Variants in CSMD1 observed in about 807,000 individuals in gnomAD.
The protein encoded by CSMD1 is CUB and sushi domain-containing protein 1.
A neutral mutation model predicts 417.5 loss-of-function variants in CSMD1; 213 were observed. That is an observed-to-expected ratio of 0.51 (90% CI 0.46 to 0.57). The LOEUF is 0.57. CSMD1 is among the 20% of genes least tolerant of loss of function. The pLI is 0.00. For synonymous variants in CSMD1, 2,862 were observed against 1,736.8 expected (o/e 1.65, Z -16.11); for missense variants, 6,923 against 4,529.7 (o/e 1.53, Z -15.17).
At chr8:4,191,999 G>T (rs528254948) in intron 3 of CSMD1, among the ~76,000 whole-genome samples, 1 of 152,118 alleles carries the variant, frequency 6.6e-6, no homozygotes, top group Non-Finnish European at 1.5e-5. Context: ...GATTTCACTC[G>T]AAATATGCAA....
At chr8:3,009,458 G>T (rs1026949041) in intron 52 of CSMD1, among the ~76,000 whole-genome samples, 1 of 152,126 alleles carries the variant, frequency 6.6e-6, no homozygotes, top group African/African-American at 2.4e-5. Flanking sequence ...AGAGTTATTT[G>T]GGCAGTAGAT....
chr8:3,522,537 GTTATAAGTACTTTATGAC>G (rs1585298798), intron 10 of CSMD1, among the ~76,000 whole-genome samples: 1 of 152,250 alleles, frequency 6.6e-6, no homozygotes, highest in East Asian at 1.9e-4. Flanking sequence ...AGCCCCCTGA[GTTATAAGTACTTTATGAC>G]TGAGAATAGA....
intron 5 of CSMD1, among the ~76,000 whole-genome samples, chr8:3,894,679 G>A (rs546354620): frequency 6.6e-6 from 1 of 152,094 alleles, no homozygotes; most frequent in African/African-American, 2.4e-5. Context: ...TAATTGAAAA[G>A]TTCATTGATC....
chr8:4,157,206 T>G (rs1796882341), intron 3 of CSMD1, among the ~76,000 whole-genome samples: 1 of 152,118 alleles, frequency 6.6e-6, no homozygotes, highest in African/African-American at 2.4e-5. Context: ...AAATTTACAT[T>G]TCAGTGTCCA....
At chr8:3,802,614 A>G (rs566531093) in intron 5 of CSMD1, among the ~76,000 whole-genome samples, 3 of 152,322 alleles carry the variant, frequency 2.0e-5, no homozygotes, top group Admixed American at 2.0e-4. Flanking sequence ...AACTGTTTAT[A>G]TAATTTTAAG....
intron 11 of CSMD1, among the ~76,000 whole-genome samples, chr8:3,473,554 G>A (rs1259610683): frequency 6.6e-6 from 1 of 152,076 alleles, no homozygotes; most frequent in Non-Finnish European, 1.5e-5. Flanking sequence ...AAACAAAGAA[G>A]CAAGCAATAT....
In CSMD1 at chr8:3,220,289, C is replaced by G. The variant is rs375606995; in HGVS notation, c.4485-847G>C. Among the ~76,000 whole-genome samples, 34 of 151,986 alleles carry G rather than the reference C, an allele frequency of 2.2e-4. No homozygotes were observed. In the East Asian group the frequency reaches 6.0e-3, roughly 27 times the overall value. On this transcript the variant is annotated intron_variant, in intron 28 of 69. Coordinates refer to ENST00000635120, the MANE Select transcript of CSMD1 (RefSeq NM_033225.6). ...GTTTTTTTTCTCTGTCCCTCTCTTTCTTTCTCTCACTTTCTCCATTTTTCT... is the reference window on the plus strand; with the variant it reads ...GTTTTTTTTCTCTGTCCCTCTCTTTGTTTCTCTCACTTTCTCCATTTTTCT...
At chr8:4,096,569 A>C (rs895902847) in intron 3 of CSMD1, among the ~76,000 whole-genome samples, 1 of 141,412 alleles carries the variant, frequency 7.1e-6, no homozygotes, top group Non-Finnish European at 1.5e-5. Context: ...AATGCACGCC[A>C]CTAAGGATAC....
chr8:3,026,316 T>C lies in CSMD1; in HGVS notation c.7855+3003A>G, dbSNP rs1178504530. ...TGCCCAGGAGCCAGGTTTGGGAAGC[T>C]GATCTGAACCTCACTGGACCTCGCT... is the stretch of plus-strand genomic sequence containing the variant. On this transcript the variant is annotated intron_variant, in intron 51 of 69. Coordinates refer to ENST00000635120, the MANE Select transcript of CSMD1 (RefSeq NM_033225.6). Among the ~76,000 whole-genome samples, 4 of 151,766 alleles carry C rather than the reference T, an allele frequency of 2.6e-5. No individual in the cohort carries two copies. The East Asian group carries it at 6.1e-4, about 23-fold the overall frequency.
At chr8:3,581,131 A>G (rs988019942) in intron 9 of CSMD1, among the ~76,000 whole-genome samples, 1 of 152,192 alleles carries the variant, frequency 6.6e-6, no homozygotes, top group African/African-American at 2.4e-5. Flanking sequence ...AGTTCTCTAC[A>G]TAAATCGCCC....
At chr8:4,635,921 C>G (rs1802787118) in intron 2 of CSMD1, among the ~76,000 whole-genome samples, 1 of 151,614 alleles carries the variant, frequency 6.6e-6, no homozygotes, top group Non-Finnish European at 1.5e-5. Context: ...CTACTAAAAA[C>G]AGATAATAGA....
At chr8:4,831,582 T>C (rs1387908700) in intron 1 of CSMD1, among the ~76,000 whole-genome samples, 2 of 152,128 alleles carry the variant, frequency 1.3e-5, no homozygotes, top group African/African-American at 4.8e-5. Flanking sequence ...CAAAATGTCA[T>C]GCCAAGGTTT....
chr8:4,171,404 G>C (rs1001985274), intron 3 of CSMD1, among the ~76,000 whole-genome samples: 9 of 151,626 alleles, frequency 5.9e-5, no homozygotes, highest in African/African-American at 2.2e-4. Context: ...GTGAATATTT[G>C]ACCCTATTAA....
At position 3,754,123 on chromosome 8, in the gene CSMD1, G is replaced by C. The variant is rs1008856299; in HGVS notation, c.819-81C>G. On this transcript the variant is annotated intron_variant, in intron 5 of 69. Coordinates refer to ENST00000635120, the MANE Select transcript of CSMD1 (RefSeq NM_033225.6). ...CTATATCAAACCCGCTTTGAAATCC[G>C]ATTACTTAAATCCTTCATCTTGAGA... The C allele has an allele frequency of 1.6e-5, 13 of 820,994 alleles. No individual in the cohort carries two copies. The African/African-American group carries it at 2.0e-4, about 13-fold the overall frequency. The allele number at this position is 820,994 out of a possible 1,614,324, so 50.9% of individuals were successfully genotyped here.
intron 5 of CSMD1, among the ~76,000 whole-genome samples, chr8:3,833,594 T>C (rs79912362): frequency 0.016 from 2,446 of 152,252 alleles, 50 homozygotes; most frequent in African/African-American, 0.055. Context: ...ATTTTGATGA[T>C]ACTTTGAACA....
In CSMD1 at chr8:3,906,970, C is replaced by G. The variant is rs187807458; in HGVS notation, c.818+90933G>C. Among the ~76,000 whole-genome samples the G allele has an allele frequency of 1.2e-3, 187 of 152,308 alleles. 1 individual carries two copies. The highest frequency in any genetic ancestry group is 0.011 in the Admixed American group (174 of 15,302). ...CTGGGTAATACCAGTTATCAGACAA[C>G]TGAAACGCTTCAAACATGTTGTAAG... On this transcript the variant is annotated intron_variant, in intron 5 of 69. Transcript: ENST00000635120.
At chr8:3,484,591 T>A (rs1817920933) in intron 11 of CSMD1, among the ~76,000 whole-genome samples, 2 of 152,282 alleles carry the variant, frequency 1.3e-5, no homozygotes, top group South Asian at 4.1e-4. Context: ...TAAACTAGAC[T>A]TCATCAAAAT....
chr8:4,022,726 C>T (rs191234483), intron 4 of CSMD1, among the ~76,000 whole-genome samples: 2 of 152,150 alleles, frequency 1.3e-5, no homozygotes, highest in African/African-American at 4.8e-5. Flanking sequence ...GAAGTGACAA[C>T]TCACTGGATG....
intron 5 of CSMD1, among the ~76,000 whole-genome samples, chr8:3,890,603 G>C (rs1306652476): frequency 6.6e-6 from 1 of 152,074 alleles, no homozygotes; most frequent in Non-Finnish European, 1.5e-5. Flanking sequence ...AGGAAATAAA[G>C]CACGTGGCAT....
Sources: gnomAD v4.1 joint callset for allele counts (sites outside exome capture counted in the v4.1 genomes callset) on GRCh38, gnomAD v4.1.1 for gene constraint, MANE v1.5 for transcripts, NCBI Gene and HGNC (gene_info 2026-07-23, HGNC 2026-07-21) for gene names.